The following PTCRA variants were observed in gnomAD, a reference collection of about 807,000 sequenced individuals.
PTCRA encodes pre T cell antigen receptor alpha, also known as pre T-cell antigen receptor alpha.
Under a neutral mutation model 13.4 loss-of-function variants are expected in PTCRA, and 9 were observed. The observed-to-expected ratio is 0.67, with a 90% confidence interval of 0.41 to 1.18. PTCRA has a LOEUF of 1.18. Among genes scored for constraint, PTCRA ranks in the 50% most tolerant of loss-of-function variants. PTCRA has a pLI of 0.01. For missense variants in PTCRA, 353 were observed against 359.8 expected, an observed-to-expected ratio of 0.98 and a Z score of 0.15; for synonymous variants, 153 against 161.9, an observed-to-expected ratio of 0.94 and a Z score of 0.42.
Position 42,925,633 on chromosome 6 carries a change from C to G in PTCRA, c.797C>G (p.Ala266Gly). The change falls in exon 4 of 4, where the codon GCA (alanine) becomes GGA (glycine). Residue 266 changes from alanine to glycine, a missense_variant. By Grantham distance (60) the Ala-to-Gly change is moderately conservative (BLOSUM62 0). Coordinates refer to ENST00000304672, the MANE Select transcript of PTCRA (RefSeq NM_138296.3). This position sits in a 1 kb window ranked among gnomAD's most constrained non-coding sequence, Gnocchi z 4.4. ...AGGGCTCCTTCCTCCAGTCTTGGAGCATTTTTTGCAGGTGACCTGCCTCCT... is the reference window on the plus strand; with the variant it reads ...AGGGCTCCTTCCTCCAGTCTTGGAGGATTTTTTGCAGGTGACCTGCCTCCT... ...ALRAPSSSLG[A>G]FFAGDLPPPL... 6.4e-7 allele frequency: 1 copy of G among 1,561,220 alleles called. No homozygotes were observed. The highest frequency in any genetic ancestry group is 8.6e-7 in the Non-Finnish European group (1 of 1,156,258).
Position 42,925,144 on chromosome 6 carries a change from C to T in PTCRA, c.425-117C>T, listed in dbSNP as rs1042235875. On this transcript the variant is annotated intron_variant, in intron 3 of 3. Coordinates refer to ENST00000304672, the MANE Select transcript of PTCRA (RefSeq NM_138296.3). This position sits in a 1 kb window ranked among gnomAD's most constrained non-coding sequence, Gnocchi z 4.4. ...GGCTAGACACCGGGAAGGACTTTCC[C>T]TGGAGGAGGGGGTGAAGGGGACGGG... is the stretch of plus-strand genomic sequence containing the variant. 2.3e-5 allele frequency: 31 copies of T among 1,370,998 alleles called. No homozygotes were observed. Among genetic ancestry groups the T allele is most frequent in the Non-Finnish European group, 2.8e-5 (29 of 1,030,774 alleles). 84.9% of individuals were successfully genotyped at this position (1,370,998 alleles called of 1,614,324 possible).
chr6:42,923,003 C>A (rs746191504), intron 1 of PTCRA, 24 bp from the exon 2 acceptor site: 1 of 1,611,818 alleles, frequency 6.2e-7, no homozygotes, highest in Non-Finnish European at 8.5e-7. Context: ...GGTCTAGCAC[C>A]CACAGGTACA....
chr6:42,916,908 C>T (rs1036541636), intron 1 of PTCRA, among the ~76,000 whole-genome samples: 3 of 152,010 alleles, frequency 2.0e-5, no homozygotes, highest in African/African-American at 7.3e-5. Flanking sequence ...GGCCTGAGCT[C>T]GGGAAGGAAG....
At chr6:42,919,226 C>A (rs1767026733) in intron 1 of PTCRA, among the ~76,000 whole-genome samples, 1 of 151,906 alleles carries the variant, frequency 6.6e-6, no homozygotes, top group Admixed American at 6.6e-5. Flanking sequence ...GATCTCCTGA[C>A]CTTGTGATCT....
chr6:42,920,245 G>A (rs531651334), intron 1 of PTCRA, among the ~76,000 whole-genome samples: 5 of 151,058 alleles, frequency 3.3e-5, no homozygotes, highest in East Asian at 2.0e-4. Flanking sequence ...GCGTGAACCC[G>A]GGAGGCGGAG....
chr6:42,921,484 C>A (rs1017136974), intron 1 of PTCRA, among the ~76,000 whole-genome samples: 5 of 133,340 alleles, frequency 3.7e-5, no homozygotes, highest in South Asian at 2.4e-4. Flanking sequence ...GTGGCGTGAT[C>A]TAGGCTCACT....
intron 1 of PTCRA, among the ~76,000 whole-genome samples, chr6:42,919,390 C>T (rs901873298): frequency 2.6e-5 from 4 of 152,100 alleles, no homozygotes; most frequent in African/African-American, 9.7e-5. Context: ...CACTCTGGGA[C>T]ATTTCTTTCG....
At chr6:42,921,166 A>G (rs1767138444) in intron 1 of PTCRA, among the ~76,000 whole-genome samples, 2 of 151,536 alleles carry the variant, frequency 1.3e-5, no homozygotes, top group African/African-American at 4.9e-5. Flanking sequence ...TAGTGGCATG[A>G]TCTTGGCTCA....
chr6:42,920,039 G>C (rs2114121396), intron 1 of PTCRA, among the ~76,000 whole-genome samples: 1 of 151,664 alleles, frequency 6.6e-6, no homozygotes, highest in East Asian at 2.0e-4. Context: ...AATAATAATA[G>C]GCCGGGTGAG....
At position 42,925,237 on chromosome 6, in the gene PTCRA, C is replaced by A. The variant is rs770545961; in HGVS notation, c.425-24C>A. The A allele has an allele frequency of 1.1e-5, 18 of 1,572,976 alleles. No individual in the cohort carries two copies. The East Asian group carries it at 4.1e-4, about 36-fold the overall frequency. On this transcript the variant is annotated intron_variant, in intron 3 of 3. Coordinates refer to ENST00000304672, the MANE Select transcript of PTCRA (RefSeq NM_138296.3). The surrounding 1 kb of genome is among the most constrained non-coding windows in gnomAD (Gnocchi z 4.4). The stretch of plus-strand genomic sequence containing the variant: ...GTAGGGGGCTGCGGGCTCCTGCGGG[C>A]TCCTGAGCGGTTCCTCCTCGCAGGG...
chr6:42,923,876 T>A (rs1767304861), intron 2 of PTCRA, among the ~76,000 whole-genome samples: 1 of 152,246 alleles, frequency 6.6e-6, no homozygotes, highest in Non-Finnish European at 1.5e-5. Context: ...GATGACTTAC[T>A]TCCTCTCTAG....
chr6:42,920,581 C>G (rs1041729544), intron 1 of PTCRA, among the ~76,000 whole-genome samples: 3 of 151,272 alleles, frequency 2.0e-5, no homozygotes, highest in Non-Finnish European at 4.4e-5. Context: ...GCTGCCACCA[C>G]GCCCGGCTAA....
At position 42,924,251 on chromosome 6, in the gene PTCRA, C is replaced by T; in HGVS notation, c.402C>T (p.Thr134=). ...CAGGAGAGGCTTCTACAGCCAGGAC[C>T]TGCCCCCAGGAGCCTCTCAGGGGTG... is the stretch of plus-strand genomic sequence containing the variant. ...HLSGEASTAR[T]CPQEPLRGTP... The change falls in exon 3 of 4, where the codon ACC becomes ACT. Residue 134 remains threonine (T), a synonymous_variant. Transcript: ENST00000304672. The T allele has an allele frequency of 6.2e-7, 1 of 1,611,916 alleles. No homozygotes were observed. The highest frequency in any genetic ancestry group is 8.5e-7 in the Non-Finnish European group (1 of 1,179,316).
At position 42,923,425 on chromosome 6, in the gene PTCRA, G is replaced by T. The variant is rs1767286558; in HGVS notation, c.379+78G>T. ...CAGGATATGGTTGGAGGGAGGGCAG[G>T]CTCCAGGCCACAAAGGCATGAAGGG... On this transcript the variant is annotated intron_variant, in intron 2 of 3. Transcript: ENST00000304672. 5.0e-6 allele frequency: 7 copies of T among 1,397,974 alleles called. No individual in the cohort carries two copies. In the Admixed American group the frequency reaches 1.1e-4, roughly 22 times the overall value. The allele number at this position is 1,397,974 out of a possible 1,614,324, so 86.6% of individuals were successfully genotyped here. A position where few individuals can be genotyped will look rare whatever the true frequency, so the allele number is the denominator to read the frequency against.
At chr6:42,921,159 T>C (rs1767138187) in intron 1 of PTCRA, among the ~76,000 whole-genome samples, 1 of 151,880 alleles carries the variant, frequency 6.6e-6, no homozygotes, top group Non-Finnish European at 1.5e-5. Context: ...TGGAGTGTAG[T>C]GGCATGATCT....
In PTCRA at chr6:42,925,520, G is replaced by A. The variant is rs544832101; in HGVS notation, c.684G>A (p.Lys228=). Residue 228 remains lysine, a synonymous_variant, in exon 4 of 4, where the codon AAG becomes AAA. Coordinates refer to ENST00000304672, the MANE Select transcript of PTCRA (RefSeq NM_138296.3). The surrounding 1 kb of genome is among the most constrained non-coding windows in gnomAD (Gnocchi z 4.4). ...GGGGTGACACCCCTCCGGGTCGGAA[G>A]CCCGGGAGCCCAGTATGGGGGGAAG... ...RRWGDTPPGR[K]PGSPVWGEGS... 8.2e-6 allele frequency: 13 copies of A among 1,578,618 alleles called. No homozygotes were observed. The South Asian group carries it at 1.3e-4, about 15-fold the overall frequency.
Position 42,924,281 on chromosome 6 carries a change from C to G in PTCRA, c.424+8C>G, listed in dbSNP as rs1767321884. 6.2e-7 allele frequency: 1 copy of G among 1,611,882 alleles called. No homozygotes were observed. Among genetic ancestry groups the G allele is most frequent in the Admixed American group, 1.7e-5 (1 of 59,526 alleles). The stretch of plus-strand genomic sequence containing the variant: ...CCCAGGAGCCTCTCAGGGGTGAGTA[C>G]TCCGGGCAAGGGGTGGGGAATAAGA... On this transcript the variant is annotated splice_region_variant and intron_variant, in intron 3 of 3. Transcript: ENST00000304672.
chr6:42,921,238 A>G (rs1282933387), intron 1 of PTCRA, among the ~76,000 whole-genome samples: 1 of 149,482 alleles, frequency 6.7e-6, no homozygotes, highest in Non-Finnish European at 1.5e-5. Context: ...AGTAGCTGGG[A>G]CTACGGGTAT....
intron 1 of PTCRA, among the ~76,000 whole-genome samples, chr6:42,919,408 A>C (rs1021341796): frequency 1.3e-5 from 2 of 152,118 alleles, no homozygotes; most frequent in African/African-American, 4.8e-5. Context: ...TCGTTTGGCT[A>C]TACCTAATTC....
Sources: allele counts gnomAD v4.1 joint callset (sites outside exome capture counted in the v4.1 genomes callset), GRCh38; gene constraint gnomAD v4.1.1; non-coding constraint Gnocchi (gnomAD v3.1); transcripts MANE v1.5; gene names NCBI Gene and HGNC (gene_info 2026-07-23, HGNC 2026-07-21).